Variants in YEATS4 observed in about 807,000 individuals in gnomAD.
YEATS4 encodes the protein YEATS domain-containing protein 4.
Under a neutral mutation model 30.1 loss-of-function variants are expected in YEATS4, and 17 were observed. The ratio of observed to expected loss-of-function variants is 0.56; its 90% CI spans 0.39 to 0.85. The LOEUF is 0.85. Among genes scored for constraint, YEATS4 ranks in the 40% least tolerant of loss-of-function variants. The pLI, the probability that YEATS4 is intolerant of heterozygous loss-of-function variation, is 0.00. For missense variants in YEATS4, 142 were observed against 268.3 expected (o/e 0.53, Z 3.29); for synonymous variants, 85 against 87.5 (o/e 0.97, Z 0.16).
chr12:69,421,991 CA>C, the YEATS4 span, among the ~76,000 whole-genome samples: 1 of 152,150 alleles, frequency 6.6e-6, no homozygotes, highest in East Asian at 1.9e-4. Context: ...GCATTGACAA[CA>C]GGACAGGAAT....
rs558782552 is a variant in YEATS4, at chr12:69,364,188, C to T, written c.171+1281C>T. 7 of 449,278 alleles carry T rather than the reference C, an allele frequency of 1.6e-5. No homozygotes were observed. The East Asian group carries it at 2.9e-4, about 19-fold the overall frequency. 27.8% of individuals were successfully genotyped at this position (449,278 alleles called of 1,614,324 possible). A position where few individuals can be genotyped will look rare whatever the true frequency, so the allele number is the denominator to read the frequency against. On this transcript the variant is annotated intron_variant, in intron 2 of 6. Transcript: ENST00000247843. ...AAACCATTGGCTAGGCAAAATGGCT[C>T]ATTCCTGTAATCTCAGCACTATGGG...
At chr12:69,360,927 GTGGCTCAC>G (rs1228360288) in intron 1 of YEATS4, among the ~76,000 whole-genome samples, 1 of 151,642 alleles carries the variant, frequency 6.6e-6, no homozygotes, top group Non-Finnish European at 1.5e-5. Context: ...GCCGGGCAAG[GTGGCTCAC>G]GCCTGTAATC....
chr12:69,408,646 A>G, the YEATS4 span, among the ~76,000 whole-genome samples: 2 of 152,224 alleles, frequency 1.3e-5, no homozygotes, highest in African/African-American at 4.8e-5. Flanking sequence ...AGAGAATTGT[A>G]TCATGGTGAT....
chr12:69,398,290 A>G, the YEATS4 span, among the ~76,000 whole-genome samples: 433 of 152,286 alleles, frequency 2.8e-3, 3 homozygotes, highest in Non-Finnish European at 5.4e-3. Flanking sequence ...AATCTTGTGT[A>G]AAGAAAACCC....
At chr12:69,392,575 G>C (rs1230309969), downstream of YEATS4, among the ~76,000 whole-genome samples, 2 of 152,180 alleles carry the variant, frequency 1.3e-5, no homozygotes, top group African/African-American at 4.8e-5. Context: ...TTTCCCAAGG[G>C]ATAATTTCTT....
chr12:69,414,416 A>G, the YEATS4 span, among the ~76,000 whole-genome samples: 3 of 152,146 alleles, frequency 2.0e-5, no homozygotes, highest in Non-Finnish European at 4.4e-5. Flanking sequence ...TTTTTTGTAG[A>G]TACGGGGTCT....
At chr12:69,389,671 G>A (rs1170403156) in intron 6 of YEATS4, among the ~76,000 whole-genome samples, 1 of 151,330 alleles carries the variant, frequency 6.6e-6, no homozygotes, top group Non-Finnish European at 1.5e-5. Context: ...GCACCACCAC[G>A]CCCTGCTAAT....
chr12:69,402,576 C>A, the YEATS4 span, among the ~76,000 whole-genome samples: 4 of 152,132 alleles, frequency 2.6e-5, no homozygotes, highest in Non-Finnish European at 5.9e-5. Context: ...AGATCCTAAA[C>A]TCTGCTATTG....
chr12:69,400,963 C>T, the YEATS4 span: 2 of 152,116 alleles, frequency 1.3e-5, no homozygotes, highest in Admixed American at 6.6e-5. Flanking sequence ...GTGGAAGGAT[C>T]GCTCAAGTCT....
intron 6 of YEATS4, among the ~76,000 whole-genome samples, chr12:69,377,266 A>G (rs1407529261): frequency 6.6e-6 from 1 of 152,098 alleles, no homozygotes; most frequent in Non-Finnish European, 1.5e-5. Flanking sequence ...ATCGTTAGAT[A>G]TTTTATTTGA....
downstream of YEATS4, among the ~76,000 whole-genome samples, chr12:69,391,852 T>G (rs1302366975): frequency 2.6e-5 from 4 of 152,204 alleles, no homozygotes; most frequent in Non-Finnish European, 1.5e-5. Flanking sequence ...ATTATTCTAG[T>G]CAGCTGCCCA....
At chr12:69,412,624 G>C in the YEATS4 span, among the ~76,000 whole-genome samples, 1 of 152,158 alleles carries the variant, frequency 6.6e-6, no homozygotes, top group Non-Finnish European at 1.5e-5. Flanking sequence ...CTGCACTCCA[G>C]CCTGGGCGAT....
intron 4 of YEATS4, among the ~76,000 whole-genome samples, chr12:69,367,936 C>G (rs1197702338): frequency 6.6e-6 from 1 of 152,070 alleles, no homozygotes; most frequent in African/African-American, 2.4e-5. Flanking sequence ...CCCCTTATCC[C>G]CAGTTGGAAA....
In YEATS4 at chr12:69,373,934, TGTAA is replaced by T. The variant is rs562856724; in HGVS notation, c.514+2962_514+2965del. Reference sequence around the variant, plus strand: ...GCACCTTTGTCAAAAATGAGTTCCCTGTAAGTGTGTGGATTTGTTTCTGGGTTCT... The same window carrying T: ...GCACCTTTGTCAAAAATGAGTTCCCTGTGTGTGGATTTGTTTCTGGGTTCT... On this transcript the variant is annotated intron_variant, in intron 6 of 6. Coordinates refer to ENST00000247843, the MANE Select transcript of YEATS4 (RefSeq NM_006530.4). 5.2e-3 allele frequency among the ~76,000 whole-genome samples: 794 copies of T among 152,324 alleles called. 8 individuals carry two copies. Among genetic ancestry groups the T allele is most frequent in the African/African-American group, 0.017 (710 of 41,576 alleles).
chr12:69,363,869 G>A (rs1433739826), intron 2 of YEATS4, among the ~76,000 whole-genome samples: 1 of 152,078 alleles, frequency 6.6e-6, no homozygotes, highest in Non-Finnish European at 1.5e-5. Flanking sequence ...ATATTATCAA[G>A]CAATAAAAAG....
the YEATS4 span, among the ~76,000 whole-genome samples, chr12:69,413,519 A>G: frequency 3.1e-5 from 1 of 32,364 alleles, no homozygotes; most frequent in African/African-American, 9.9e-5. Context: ...CGCCCCCCCC[A>G]TCTCCATCCC....
Position 69,384,632 on chromosome 12 carries a change from A to G in YEATS4, c.515-5515A>G, listed in dbSNP as rs1209240748. Reference sequence around the variant, plus strand: ...ATATTTAAATGTTTTTTTGAAAATCAGCCAGCCTGTTTTTTGAAAAATTAG... The same window carrying G: ...ATATTTAAATGTTTTTTTGAAAATCGGCCAGCCTGTTTTTTGAAAAATTAG... On this transcript the variant is annotated intron_variant, in intron 6 of 6. Coordinates refer to ENST00000247843, the MANE Select transcript of YEATS4 (RefSeq NM_006530.4). 2.0e-5 allele frequency among the ~76,000 whole-genome samples: 3 copies of G among 152,228 alleles called. No individual in the cohort carries two copies. In the East Asian group the frequency reaches 5.8e-4, roughly 29 times the overall value.
At chr12:69,377,967 A>T (rs977933906) in intron 6 of YEATS4, among the ~76,000 whole-genome samples, 6 of 152,092 alleles carry the variant, frequency 3.9e-5, no homozygotes, top group African/African-American at 1.4e-4. Flanking sequence ...GTATTGTTGT[A>T]TTGGGGTCTA....
chr12:69,366,446 C>T (rs1875437827), intron 4 of YEATS4, among the ~76,000 whole-genome samples: 3 of 152,090 alleles, frequency 2.0e-5, no homozygotes, highest in Admixed American at 2.0e-4. Context: ...TTGTGATACC[C>T]TCATTTTAGA....
Sources: gnomAD v4.1 joint callset for allele counts (sites outside exome capture counted in the v4.1 genomes callset) on GRCh38, gnomAD v4.1.1 for gene constraint, MANE v1.5 for transcripts, NCBI Gene and HGNC (gene_info 2026-07-23, HGNC 2026-07-21) for gene names.